Variants in USP34 observed in about 807,000 individuals in gnomAD.
USP34 encodes ubiquitin carboxyl-terminal hydrolase 34.
USP34 carries 70 observed loss-of-function variants against 460.3 expected under a neutral mutation model. The ratio of observed to expected loss-of-function variants is 0.15; its 90% CI spans 0.13 to 0.19. The LOEUF (loss-of-function observed/expected upper bound fraction) is 0.19. Ranked by LOEUF, USP34 falls within the 10% of genes least tolerant of loss-of-function variation. The pLI is 1.00. For missense variants in USP34, 3,985 were observed against 4,236.2 expected, an observed-to-expected ratio of 0.94 and a Z score of 1.65; for synonymous variants, 1,647 against 1,405.3, an observed-to-expected ratio of 1.17 and a Z score of -3.85.
intron 1 of USP34, among the ~76,000 whole-genome samples, chr2:61,462,385 C>CA (rs1231391611): frequency 6.6e-6 from 1 of 151,402 alleles, no homozygotes; most frequent in Non-Finnish European, 1.5e-5. Context: ...CCCATTCCTA[C>CA]AAAAAACACA....
Position 61,187,468 on chromosome 2 carries a change from AGTC to A in USP34, c.*631_*633del, listed in dbSNP as rs925954298. Reference sequence around the variant, plus strand: ...AAGCAACGTATGTAAACAAATGAAAAGTCATCACAATCAGTTTAATTAAGTGCA... The same window carrying A: ...AAGCAACGTATGTAAACAAATGAAAAATCACAATCAGTTTAATTAAGTGCA... On this transcript the variant is annotated 3_prime_UTR_variant, in exon 80 of 80. Transcript: ENST00000398571. The A allele has an allele frequency of 3.0e-6, 3 of 985,654 alleles. No individual in the cohort carries two copies. The African/African-American group carries it at 5.3e-5, about 17-fold the overall frequency. The allele number at this position is 985,654 out of a possible 1,614,324, so 61.1% of individuals were successfully genotyped here.
At chr2:61,192,070 A>T (rs1686661769) in intron 76 of USP34, among the ~76,000 whole-genome samples, 1 of 152,196 alleles carries the variant, frequency 6.6e-6, no homozygotes, top group Non-Finnish European at 1.5e-5. Context: ...CAGGATGGCA[A>T]ACATCTAGGA....
chr2:61,364,492 T>C lies in USP34; in HGVS notation c.1251+5829A>G, dbSNP rs145549381. The stretch of plus-strand genomic sequence containing the variant: ...ATGTTTTGCATACAGATAGTGGTGA[T>C]AGTTACACAACATTATGAATATCTT... On this transcript the variant is annotated intron_variant, in intron 10 of 79. Coordinates refer to ENST00000398571, the MANE Select transcript of USP34 (RefSeq NM_014709.4). Among the ~76,000 whole-genome samples the C allele has an allele frequency of 3.9e-5, 6 of 152,376 alleles. No homozygotes were observed. The East Asian group carries it at 1.2e-3, about 29-fold the overall frequency.
At chr2:61,284,699 C>T (rs1042388635) in intron 35 of USP34, among the ~76,000 whole-genome samples, 176 bp downstream of exon 35, 3 of 152,076 alleles carry the variant, frequency 2.0e-5, no homozygotes, top group Non-Finnish European at 4.4e-5. Context: ...CTCATAAATA[C>T]AAGACACATT....
intron 57 of USP34, among the ~76,000 whole-genome samples, chr2:61,232,755 G>A (rs984591022): frequency 2.0e-5 from 3 of 151,208 alleles, no homozygotes; most frequent in Non-Finnish European, 4.4e-5. Context: ...TACACAATGT[G>A]CATGACAATC....
Position 61,241,575 on chromosome 2 carries a change from C to G in USP34, c.6762G>C (p.Ser2254=). The change falls in exon 53 of 80, where the codon TCG becomes TCC. Residue 2254 remains serine (S), a synonymous_variant. Coordinates refer to ENST00000398571, the MANE Select transcript of USP34 (RefSeq NM_014709.4). ...TAACTTATACCTCTAGTAACTCTGACGAAACATCAAATTTGTATTCTCTGC... is the reference window on the plus strand; with the variant it reads ...TAACTTATACCTCTAGTAACTCTGAGGAAACATCAAATTTGTATTCTCTGC... ...ENGREYKFDV[S]SELLEWIWHD... is the part of the protein sequence containing the mutation. The G allele has an allele frequency of 6.2e-7, 1 of 1,607,538 alleles. No individual in the cohort carries two copies. The highest frequency in any genetic ancestry group is 8.5e-7 in the Non-Finnish European group (1 of 1,177,978).
intron 10 of USP34, among the ~76,000 whole-genome samples, chr2:61,365,970 G>A (rs1267671916): frequency 1.6e-4 from 10 of 64,452 alleles, no homozygotes; most frequent in Non-Finnish European, 3.4e-4. Context: ...TTATTTATTT[G>A]AGACACAGTC....
intron 72 of USP34, 101 bp downstream of exon 72, chr2:61,205,916 A>T: frequency 2.3e-6 from 2 of 866,954 alleles, no homozygotes; most frequent in Non-Finnish European, 3.6e-6. Context: ...CATAAAAAGC[A>T]CAAGTATCTT....
At position 61,266,116 on chromosome 2, in the gene USP34, C is replaced by A; in HGVS notation, c.5485G>T (p.Asp1829Tyr). ...GATTTGCACTTTGGCTGTTGTCGGT[C>A]CTTTAGACTTGGCAACAAAAACAGG... The part of the protein sequence containing the change: ...NLLFLLPSLK[D>Y]RQQPKCKSHS... The change falls in exon 42 of 80, where the codon GAC (aspartate) becomes TAC (tyrosine). Residue 1829 changes from aspartate (D) to tyrosine (Y), a missense_variant. Physicochemically the swap from Asp to Tyr is radical, Grantham distance 160. Coordinates refer to ENST00000398571, the MANE Select transcript of USP34 (RefSeq NM_014709.4). The A allele has an allele frequency of 1.2e-6, 2 of 1,613,676 alleles. No individual in the cohort carries two copies. Among genetic ancestry groups the A allele is most frequent in the Admixed American group, 1.7e-5 (1 of 59,982 alleles).
At chr2:61,244,283 G>C (rs1242700761) in intron 51 of USP34, among the ~76,000 whole-genome samples, 1 of 152,166 alleles carries the variant, frequency 6.6e-6, no homozygotes, top group Admixed American at 6.5e-5. Flanking sequence ...CTATAGAGAA[G>C]TGAAATTATT....
rs1454237906 is a variant in USP34, at chr2:61,227,163, T to G, written c.7499A>C (p.Asp2500Ala). 2 of 1,613,846 alleles carry G rather than the reference T, an allele frequency of 1.2e-6. No individual in the cohort carries two copies. Among genetic ancestry groups the G allele is most frequent in the Non-Finnish European group, 1.7e-6 (2 of 1,179,946 alleles). The change falls in exon 62 of 80, where the codon GAT (aspartate) becomes GCT (alanine). Residue 2500 changes from aspartate (D) to alanine (A), a missense_variant. Physicochemically the swap from Asp to Ala is moderately radical, Grantham distance 126 (BLOSUM62 -2). Around this residue, in one of 14 missense-constraint regions of USP34, gnomAD observed 604 missense variants for 684.8 expected, o/e 0.88. Coordinates refer to ENST00000398571, the MANE Select transcript of USP34 (RefSeq NM_014709.4). ...TTTTTCTTCTGCCAGAGAGAGGATATCTTCTTCCTCCTCTTCTTCTTCCCC... is the reference window on the plus strand; with the variant it reads ...TTTTTCTTCTGCCAGAGAGAGGATAGCTTCTTCCTCCTCTTCTTCTTCCCC... The part of the protein sequence containing the change: ...EEGEEEEEEE[D>A]ILSLAEEKYR...
rs182690002 is a variant in USP34 at position 61,320,669 on chromosome 2, G to A, written c.3014-1342C>T. Reference sequence around the variant, plus strand: ...CACTTGTGGCCATGAGTTTGAGACCGGTCTGGGCAATATAGGAAGACATTG... The same window carrying A: ...CACTTGTGGCCATGAGTTTGAGACCAGTCTGGGCAATATAGGAAGACATTG... On this transcript the variant is annotated intron_variant, in intron 21 of 79. Coordinates refer to ENST00000398571, the MANE Select transcript of USP34 (RefSeq NM_014709.4). Among the ~76,000 whole-genome samples the A allele has an allele frequency of 3.9e-5, 6 of 152,154 alleles. No individual in the cohort carries two copies. The East Asian group carries it at 7.8e-4, about 20-fold the overall frequency.
chr2:61,260,667 G>C (rs1235463499), intron 43 of USP34, among the ~76,000 whole-genome samples: 1 of 152,010 alleles, frequency 6.6e-6, no homozygotes, highest in African/African-American at 2.4e-5. Context: ...TGAACAAAGG[G>C]AATCAACAAA....
chr2:61,265,274 AT>A, intron 43 of USP34, 122 bp downstream of exon 43: 5 of 1,096,812 alleles, frequency 4.6e-6, no homozygotes, highest in Non-Finnish European at 6.5e-6. Context: ...AGTTACTGTA[AT>A]CAAATTTACT....
rs183635753 is a variant in USP34 at position 61,426,900 on chromosome 2, G to A, written c.44-6067C>T. ...GGGAGAAAGTAAGGAAAGAGAACAAGAGTCTCCACCTGGTAATCCACAAAT... is the reference window on the plus strand; with the variant it reads ...GGGAGAAAGTAAGGAAAGAGAACAAAAGTCTCCACCTGGTAATCCACAAAT... On this transcript the variant is annotated intron_variant, in intron 1 of 79. Coordinates refer to ENST00000398571, the MANE Select transcript of USP34 (RefSeq NM_014709.4). Among the ~76,000 whole-genome samples, 21 of 152,320 alleles carry A rather than the reference G, an allele frequency of 1.4e-4. No individual in the cohort carries two copies. The East Asian group carries it at 3.3e-3, about 24-fold the overall frequency.
intron 19 of USP34, among the ~76,000 whole-genome samples, chr2:61,332,143 G>T (rs1322609533): frequency 6.6e-6 from 1 of 151,998 alleles, no homozygotes; most frequent in East Asian, 1.9e-4. Context: ...ACAGCTTCAG[G>T]CAAGTAAGCT....
chr2:61,352,680 T>TAA (rs35329949), intron 10 of USP34, among the ~76,000 whole-genome samples: 1 of 141,660 alleles, frequency 7.1e-6, no homozygotes. Context: ...TAACTGAGAT[T>TAA]AAAAAAAAAA....
chr2:61,405,124 T>C (rs1282496036), intron 3 of USP34, among the ~76,000 whole-genome samples: 1 of 150,312 alleles, frequency 6.7e-6, no homozygotes, highest in African/African-American at 2.5e-5. Flanking sequence ...TCCCAACTAC[T>C]TGGGAGGCTG....
At chr2:61,416,852 G>T (rs1415383406) in intron 2 of USP34, 4 of 533,392 alleles carry the variant, frequency 7.5e-6, no homozygotes, top group Non-Finnish European at 1.3e-5. Context: ...GAATGTATTG[G>T]TATTAAGAGG....
Sources: gnomAD v4.1 joint callset for allele counts (sites outside exome capture counted in the v4.1 genomes callset) on GRCh38, gnomAD v4.1.1 for gene constraint, gnomAD v4.1.1 regional missense constraint, MANE v1.5 for transcripts, NCBI Gene and HGNC (gene_info 2026-07-23, HGNC 2026-07-21) for gene names.